The following SMTN variants were observed in gnomAD, a reference collection of about 807,000 sequenced individuals.
SMTN encodes smoothelin.
Under a neutral mutation model 102.0 loss-of-function variants are expected in SMTN, and 58 were observed. The ratio of observed to expected loss-of-function variants is 0.57; its 90% CI spans 0.46 to 0.71. The LOEUF is 0.71. Among genes scored for constraint, SMTN ranks in the 30% least tolerant of loss-of-function variants. The pLI is 0.00. For synonymous variants in SMTN, 478 were observed against 497.9 expected (o/e 0.96, Z 0.53); for missense variants, 1,185 against 1,241.7 (o/e 0.95, Z 0.69).
At chr22:31,083,024 C>A in intron 1 of SMTN, 155 bp from the exon 2 acceptor site, 1 of 1,409,120 alleles carries the variant, frequency 7.1e-7, no homozygotes, top group Non-Finnish European at 9.8e-7. Context: ...AGCAAACCAC[C>A]CTAGGGCAGA....
At chr22:31,097,131 C>G in intron 15 of SMTN, 71 bp downstream of exon 15, 1 of 1,534,248 alleles carries the variant, frequency 6.5e-7, no homozygotes, top group South Asian at 1.1e-5. Flanking sequence ...TCCTTGAGCT[C>G]TCTCTCCGTG....
rs757882334 is a variant in SMTN at position 31,097,038 on chromosome 22, G to T, written c.2067G>T (p.Ser689=). 6.2e-7 allele frequency: 1 copy of T among 1,614,008 alleles called. No individual in the cohort carries two copies. The highest frequency in any genetic ancestry group is 2.2e-5 in the East Asian group (1 of 44,888). Residue 689 remains serine, a synonymous_variant, in exon 15 of 21, where the codon TCG becomes TCT. Transcript: ENST00000333137. The part of the protein sequence containing the change: ...TRTARTTTVE[S]SFVRRSENGS... ...CGGCCCGCACCACCACAGTGGAGTC[G>T]AGTTTCGTGAGGCGCTCGGAGAGTA...
At chr22:31,099,319 G>A in intron 18 of SMTN, 140 bp downstream of exon 18, 1 of 622,620 alleles carries the variant, frequency 1.6e-6, no homozygotes, top group Non-Finnish European at 2.8e-6. Flanking sequence ...CTCTTGGGGT[G>A]AGGAAACTGA....
Position 31,075,813 on chromosome 22 carries a change from G to C in SMTN, c.-385-4637G>C, listed in dbSNP as rs564829135. 4.6e-5 allele frequency among the ~76,000 whole-genome samples: 7 copies of C among 152,202 alleles called. No homozygotes were observed. The South Asian group carries it at 1.2e-3, about 27-fold the overall frequency. ...TTCATAAGCAGTTGCTATTTTAAAG[G>C]GTTTTTGTTTTGTTTTGTTTTGTTT... On this transcript the variant is annotated intron_variant, in intron 1 of 3. Transcript: ENST00000422839.
At position 31,089,838 on chromosome 22, in the gene SMTN, C is replaced by T. The variant is rs761816435; in HGVS notation, c.611C>T (p.Ser204Leu). The change falls in exon 7 of 21, where the codon TCA (serine) becomes TTA (leucine). Residue 204 changes from serine (S) to leucine (L), a missense_variant. By Grantham distance (145) the Ser-to-Leu change is moderately radical. This residue lies in a region of SMTN where 1,096 missense variants were observed against 1,112.7 expected (regional missense o/e 0.98). Coordinates refer to ENST00000333137, the MANE Select transcript of SMTN (RefSeq NM_134269.3). ...GGGAGCACATCCAGCTCACCTGCCT[C>T]ACCCAGCAGTTCACCCACCCCTGCC... is the stretch of plus-strand genomic sequence containing the variant. ...PPGSTSSSPA[S>L]PSSSPTPASP... is the part of the protein sequence containing the mutation. The T allele has an allele frequency of 1.2e-6, 2 of 1,613,828 alleles. No homozygotes were observed. Among genetic ancestry groups the T allele is most frequent in the Non-Finnish European group, 1.7e-6 (2 of 1,179,982 alleles).
chr22:31,070,582 A>G (rs939554066), intron 1 of SMTN, among the ~76,000 whole-genome samples: 2 of 152,184 alleles, frequency 1.3e-5, no homozygotes, highest in African/African-American at 4.8e-5. Context: ...CCTGAGAGAT[A>G]ACTCCTCTGA....
In SMTN at chr22:31,074,335, G is replaced by A. The variant is rs372425222; in HGVS notation, c.-385-6115G>A. Among the ~76,000 whole-genome samples, 11 of 152,158 alleles carry A rather than the reference G, an allele frequency of 7.2e-5. No homozygotes were observed. In the East Asian group the frequency reaches 1.4e-3, roughly 19 times the overall value. ...GTCAAGGCTGTAGTGTGCCATGATC[G>A]CACCACTGCACTCCAGCTTGGGTGA... On this transcript the variant is annotated intron_variant, in intron 1 of 3. Transcript: ENST00000422839.
intron 1 of SMTN, among the ~76,000 whole-genome samples, chr22:31,074,821 A>G (rs2147495770): frequency 1.3e-5 from 2 of 152,170 alleles, no homozygotes; most frequent in Middle Eastern, 3.4e-3. Context: ...CAACAACAAC[A>G]ACAACAACAA....
In SMTN at chr22:31,072,106, C is replaced by T. The variant is rs578185870; in HGVS notation, c.-386+7919C>T. On this transcript the variant is annotated intron_variant, in intron 1 of 3. Coordinates refer to the SMTN transcript ENST00000422839. ...AAATCCCCTTGGCCAAATTCATGGACCCTGGCAGGGTAAGATCAGAGATAG... is the reference window on the plus strand; with the variant it reads ...AAATCCCCTTGGCCAAATTCATGGATCCTGGCAGGGTAAGATCAGAGATAG... Among the ~76,000 whole-genome samples, 9 of 152,298 alleles carry T rather than the reference C, an allele frequency of 5.9e-5. No homozygotes were observed. The South Asian group carries it at 1.7e-3, about 28-fold the overall frequency.
intron 11 of SMTN, among the ~76,000 whole-genome samples, chr22:31,092,965 T>C (rs555738475): frequency 6.6e-6 from 1 of 152,354 alleles, no homozygotes; most frequent in Non-Finnish European, 1.5e-5. Flanking sequence ...CCCCCATCTG[T>C]TCCAGCTGTC....
At chr22:31,093,571 G>A (rs1335375203) in intron 11 of SMTN, 6 of 734,636 alleles carry the variant, frequency 8.2e-6, no homozygotes, top group East Asian at 7.7e-5. Context: ...CCAGGCAGCC[G>A]AGGTAGCTGT....
intron 11 of SMTN, chr22:31,092,364 G>T (rs2043202641): frequency 2.0e-5 from 9 of 448,096 alleles, no homozygotes; most frequent in South Asian, 1.4e-4. Flanking sequence ...AGCTCTGAGG[G>T]GGGACAGACA....
chr22:31,084,772 C>T (rs775199797), intron 2 of SMTN, among the ~76,000 whole-genome samples: 2 of 152,252 alleles, frequency 1.3e-5, no homozygotes, highest in African/African-American at 4.8e-5. Context: ...TGGGAAAGGA[C>T]AGATGAGAAC....
intron 2 of SMTN, chr22:31,087,280 T>G (rs2042772441): frequency 6.6e-6 from 1 of 152,280 alleles, no homozygotes; most frequent in Non-Finnish European, 1.5e-5. Context: ...TAGAAGCAGC[T>G]GTCACCCAGG....
At chr22:31,076,067 T>C (rs2042120618) in intron 1 of SMTN, among the ~76,000 whole-genome samples, 1 of 152,160 alleles carries the variant, frequency 6.6e-6, no homozygotes, top group African/African-American at 2.4e-5. Context: ...AGGGCCTGGC[T>C]GGCGGAAGGC....
intron 1 of SMTN, among the ~76,000 whole-genome samples, chr22:31,072,851 T>C (rs1002528086): frequency 6.6e-6 from 1 of 151,722 alleles, no homozygotes; most frequent in Non-Finnish European, 1.5e-5. Context: ...CTCAACCTCC[T>C]AGGCTCAAGT....
chr22:31,088,362 C>T (rs971394361), intron 3 of SMTN, 151 bp from the exon 4 acceptor site: 10 of 786,098 alleles, frequency 1.3e-5, no homozygotes, highest in Non-Finnish European at 2.1e-5. Context: ...CGTCCATGGG[C>T]ATATGTGTAT....
intron 19 of SMTN, 130 bp downstream of exon 19, chr22:31,100,026 C>T: frequency 1.1e-6 from 1 of 871,216 alleles, no homozygotes; most frequent in Non-Finnish European, 1.7e-6. Context: ...AGACCCCCTT[C>T]CCCAGAGAGT....
Position 31,095,347 on chromosome 22 carries a change from G to A in SMTN, c.1677G>A (p.Ala559=), listed in dbSNP as rs767477965. The change falls in exon 12 of 21, where the codon GCG becomes GCA. Residue 559 remains alanine, a synonymous_variant. Transcript: ENST00000333137. The surrounding 1 kb of genome is among the most constrained non-coding windows in gnomAD (Gnocchi z 4.1). The part of the protein sequence containing the change: ...PAEPLAAAVE[A]ANGAEQTRVN... ...AGCCTCTCGCTGCAGCAGTGGAAGC[G>A]GCCAATGGGGCTGAGCAGACCCGAG... The A allele has an allele frequency of 4.3e-5, 70 of 1,614,072 alleles. No individual in the cohort carries two copies. The Middle Eastern group carries it at 5.0e-4, about 11-fold the overall frequency.
Sources: gnomAD v4.1 joint callset for allele counts (sites outside exome capture counted in the v4.1 genomes callset) on GRCh38, gnomAD v4.1.1 for gene constraint, gnomAD v4.1.1 regional missense constraint, Gnocchi (gnomAD v3.1) non-coding constraint, MANE v1.5 for transcripts, NCBI Gene and HGNC (gene_info 2026-07-23, HGNC 2026-07-21) for gene names.